Variants in APBA1 observed in about 807,000 individuals in gnomAD.
APBA1 encodes amyloid-beta A4 precursor protein-binding family A member 1.
In APBA1, 55 loss-of-function variants were observed where a neutral mutation model predicts 86.6. The ratio of observed to expected loss-of-function variants is 0.64; its 90% CI spans 0.51 to 0.80. The LOEUF (loss-of-function observed/expected upper bound fraction) is 0.80. Ranked by LOEUF, APBA1 falls within the 30% of genes least tolerant of loss-of-function variation. The pLI is 0.00. For missense variants in APBA1, 1,090 were observed against 1,183.0 expected (o/e 0.92, Z 1.15); for synonymous variants, 511 against 493.9 (o/e 1.03, Z -0.46).
intron 3 of APBA1, 152 bp downstream of exon 3, chr9:69,475,896 G>A (rs1284215052): frequency 4.5e-6 from 3 of 661,408 alleles, no homozygotes; most frequent in Non-Finnish European, 8.1e-6. Flanking sequence ...GCTTTAACAG[G>A]TGAACTGCAC....
At chr9:69,664,541 A>C (rs891099923) in intron 1 of APBA1, among the ~76,000 whole-genome samples, 1 of 152,228 alleles carries the variant, frequency 6.6e-6, no homozygotes, top group Non-Finnish European at 1.5e-5. Flanking sequence ...AAGTATGTGA[A>C]GTATTTGAAT....
intron 1 of APBA1, among the ~76,000 whole-genome samples, chr9:69,656,404 A>G (rs1823612476): frequency 6.6e-6 from 1 of 152,244 alleles, no homozygotes; most frequent in African/African-American, 2.4e-5. Flanking sequence ...TGGATTAAAC[A>G]GCAAAAAAGG....
At chr9:69,494,887 T>C (rs1319576518) in intron 2 of APBA1, among the ~76,000 whole-genome samples, 3 of 152,128 alleles carry the variant, frequency 2.0e-5, no homozygotes, top group Admixed American at 6.5e-5. Flanking sequence ...GGGTACATTA[T>C]ACTCATTACC....
At chr9:69,666,418 GCTCT>G (rs1251783637) in intron 1 of APBA1, among the ~76,000 whole-genome samples, 2 of 149,792 alleles carry the variant, frequency 1.3e-5, no homozygotes, top group African/African-American at 4.9e-5. Flanking sequence ...TCAGTCCATT[GCTCT>G]CTCTCTTTTA....
intron 1 of APBA1, among the ~76,000 whole-genome samples, chr9:69,664,586 T>C (rs1447816805): frequency 1.3e-5 from 2 of 152,250 alleles, no homozygotes; most frequent in Non-Finnish European, 2.9e-5. Context: ...TGGAAGGATG[T>C]CATATTTCTA....
At chr9:69,484,704 C>T (rs1835578624) in intron 2 of APBA1, among the ~76,000 whole-genome samples, 1 of 152,104 alleles carries the variant, frequency 6.6e-6, no homozygotes, top group Admixed American at 6.5e-5. Context: ...CCCAAGAGCT[C>T]TCAGGAGATA....
chr9:69,634,990 T>C lies in APBA1; in HGVS notation c.-70+37163A>G, dbSNP rs536966514. Among the ~76,000 whole-genome samples, 4 of 152,228 alleles carry C rather than the reference T, an allele frequency of 2.6e-5. No individual in the cohort carries two copies. The South Asian group carries it at 8.3e-4, about 32-fold the overall frequency. On this transcript the variant is annotated intron_variant, in intron 1 of 12. Coordinates refer to ENST00000265381, the MANE Select transcript of APBA1 (RefSeq NM_001163.4). ...AAATGATAAAGAAAGTACTTCAGTC[T>C]GAAAGAAAAGTATGCTAATGAACAA...
intron 2 of APBA1, among the ~76,000 whole-genome samples, chr9:69,486,136 G>C (rs1835606201): frequency 6.6e-6 from 1 of 152,004 alleles, no homozygotes; most frequent in East Asian, 1.9e-4. Flanking sequence ...ATTTTTGGTA[G>C]AGATGGGGTT....
chr9:69,450,768 CCAAT>C (rs1256058507), intron 9 of APBA1, among the ~76,000 whole-genome samples: 1 of 151,826 alleles, frequency 6.6e-6, no homozygotes, highest in Non-Finnish European at 1.5e-5. Flanking sequence ...GGACTCTAAT[CCAAT>C]ATTACTCATG....
chr9:69,442,504 G>C (rs1214805575), intron 10 of APBA1, among the ~76,000 whole-genome samples: 2 of 152,190 alleles, frequency 1.3e-5, no homozygotes, highest in African/African-American at 2.4e-5. Flanking sequence ...TTTTCCTGCA[G>C]GAGAGAACAG....
chr9:69,440,884 A>G, intron 11 of APBA1, 112 bp downstream of exon 11: 1 of 1,313,576 alleles, frequency 7.6e-7, no homozygotes, highest in Non-Finnish European at 1.1e-6. Context: ...TCACGCTGGG[A>G]GTTGTAGACT....
intron 2 of APBA1, among the ~76,000 whole-genome samples, chr9:69,493,723 T>C (rs1433447985): frequency 6.6e-6 from 1 of 152,110 alleles, no homozygotes; most frequent in Non-Finnish European, 1.5e-5. Context: ...AATGGAAGCA[T>C]GCATAGACAC....
chr9:69,616,817 C>T (rs1822709468), intron 1 of APBA1, among the ~76,000 whole-genome samples: 1 of 152,120 alleles, frequency 6.6e-6, no homozygotes, highest in African/African-American at 2.4e-5. Flanking sequence ...GACTGATCAG[C>T]AATGCTTCTG....
chr9:69,560,073 C>T (rs1210511628), intron 1 of APBA1, among the ~76,000 whole-genome samples: 1 of 152,156 alleles, frequency 6.6e-6, no homozygotes, highest in Admixed American at 6.5e-5. Flanking sequence ...AGTTTTAGCT[C>T]CCTGCTTGCC....
chr9:69,506,306 C>A (rs1414583480), intron 2 of APBA1, among the ~76,000 whole-genome samples: 1 of 149,684 alleles, frequency 6.7e-6, no homozygotes, highest in East Asian at 2.0e-4. Context: ...AAAGGGGTGA[C>A]GGACACACCT....
At chr9:69,605,892 A>G (rs1434082256) in intron 1 of APBA1, among the ~76,000 whole-genome samples, 1 of 152,266 alleles carries the variant, frequency 6.6e-6, no homozygotes, top group Non-Finnish European at 1.5e-5. Flanking sequence ...AATAGTAAGC[A>G]ATCAACATGT....
At chr9:69,606,897 A>G (rs1240871439) in intron 1 of APBA1, among the ~76,000 whole-genome samples, 4 of 152,160 alleles carry the variant, frequency 2.6e-5, no homozygotes, top group Non-Finnish European at 5.9e-5. Context: ...GAGGGCAAGA[A>G]AGCAGGTAAT....
At chr9:69,473,751 T>A (rs1474273092) in intron 3 of APBA1, among the ~76,000 whole-genome samples, 6 of 151,316 alleles carry the variant, frequency 4.0e-5, no homozygotes, top group Non-Finnish European at 8.9e-5. Flanking sequence ...TTACCATCTT[T>A]AAAAAAAAAG....
At chr9:69,655,008 C>G (rs909393508) in intron 1 of APBA1, among the ~76,000 whole-genome samples, 1 of 152,082 alleles carries the variant, frequency 6.6e-6, no homozygotes, top group East Asian at 1.9e-4. Context: ...ATGTAACATC[C>G]TTGATGATAA....
Sources: gnomAD v4.1 joint callset for allele counts (sites outside exome capture counted in the v4.1 genomes callset) on GRCh38, gnomAD v4.1.1 for gene constraint, MANE v1.5 for transcripts, NCBI Gene and HGNC (gene_info 2026-07-23, HGNC 2026-07-21) for gene names.